The following GRID2 variants were observed in gnomAD, a reference collection of about 807,000 sequenced individuals.
GRID2 encodes glutamate ionotropic receptor delta type subunit 2, also known as glutamate receptor ionotropic, delta-2.
In GRID2, 33 loss-of-function variants were observed where a neutral mutation model predicts 114.8. The ratio of observed to expected loss-of-function variants is 0.29; its 90% CI spans 0.22 to 0.38. GRID2 has a LOEUF of 0.38. GRID2 is among the 10% of genes least tolerant of loss of function. The probability of loss-of-function intolerance (pLI) is 1.00; values close to 1 mark genes in which losing one functional copy is unlikely to be tolerated. For synonymous variants in GRID2, 505 were observed against 449.9 expected, an observed-to-expected ratio of 1.12 and a Z score of -1.55; for missense variants, 1,184 against 1,257.7, an observed-to-expected ratio of 0.94 and a Z score of 0.89.
intron 2 of GRID2, among the ~76,000 whole-genome samples, chr4:92,924,544 T>G (rs1749655260): frequency 6.6e-6 from 1 of 152,160 alleles, no homozygotes; most frequent in Admixed American, 6.6e-5. Flanking sequence ...GTTTTAAAAA[T>G]TATCTTCCAA....
At position 92,537,787 on chromosome 4, in the gene GRID2, GTGTGTGTGTGTGTGT is replaced by G. The variant is rs1725724979; in HGVS notation, c.89-52343_89-52329del. On this transcript the variant is annotated intron_variant, in intron 1 of 15. Transcript: ENST00000282020. ...GATCTGCTTTCCAAAAACTTGCGGT[GTGTGTGTGTGTGTGT>G]GTGTGTGTGTGTGTGTGTGTGTGTG... is the stretch of plus-strand genomic sequence containing the variant. Among the ~76,000 whole-genome samples, 15 of 102,546 alleles carry G rather than the reference GTGTGTGTGTGTGTGT, an allele frequency of 1.5e-4. No individual in the cohort carries two copies. In the East Asian group the frequency reaches 2.9e-3, roughly 20 times the overall value. 67.3% of individuals were successfully genotyped at this position (102,546 alleles called of 152,430 possible).
chr4:92,448,960 T>G (rs893333478), intron 1 of GRID2, among the ~76,000 whole-genome samples: 10 of 152,108 alleles, frequency 6.6e-5, no homozygotes, highest in Admixed American at 6.6e-4. Context: ...ATATTGCTCA[T>G]GTAATAGATA....
intron 11 of GRID2, among the ~76,000 whole-genome samples, chr4:93,472,906 C>T (rs1724976831): frequency 6.6e-6 from 1 of 152,014 alleles, no homozygotes; most frequent in South Asian, 2.1e-4. Flanking sequence ...ACCACCACTA[C>T]CACAACAAAA....
intron 2 of GRID2, among the ~76,000 whole-genome samples, chr4:92,658,019 G>T (rs570189620): frequency 6.6e-6 from 1 of 151,766 alleles, no homozygotes; most frequent in Non-Finnish European, 1.5e-5. Context: ...GATTGTTTAT[G>T]ATATCATTGA....
At chr4:93,583,656 G>T (rs1004749388) in intron 13 of GRID2, among the ~76,000 whole-genome samples, 1 of 152,166 alleles carries the variant, frequency 6.6e-6, no homozygotes, top group African/African-American at 2.4e-5. Flanking sequence ...TACCTAGGAA[G>T]TGGCAGGGGT....
chr4:93,111,751 C>CTTTTT (rs9307121), intron 4 of GRID2, among the ~76,000 whole-genome samples: 17,434 of 130,920 alleles, frequency 0.13, 1,388 homozygotes, highest in Middle Eastern at 0.24. Context: ...TTGTTTAATA[C>CTTTTT]TTTTTTTTTT....
At chr4:93,128,557 C>CA (rs1335148097) in intron 4 of GRID2, among the ~76,000 whole-genome samples, 2 of 152,122 alleles carry the variant, frequency 1.3e-5, no homozygotes, top group African/African-American at 4.8e-5. Context: ...CTAAGAGATC[C>CA]AATTTGTCAA....
chr4:93,696,277 ACTGT>A (rs10599118), intron 14 of GRID2, among the ~76,000 whole-genome samples: 20,562 of 152,042 alleles, frequency 0.14, 1,834 homozygotes, highest in Admixed American at 0.27. Context: ...TCTCTCTCAA[ACTGT>A]CTGCTTCCAC....
At chr4:93,106,950 C>T (rs1732294536) in intron 3 of GRID2, among the ~76,000 whole-genome samples, 1 of 152,134 alleles carries the variant, frequency 6.6e-6, no homozygotes, top group Non-Finnish European at 1.5e-5. Context: ...TTTGTATATA[C>T]ACAGCAAACA....
At chr4:93,775,125 T>C (rs528144645), downstream of GRID2, among the ~76,000 whole-genome samples, 1 of 138,186 alleles carries the variant, frequency 7.2e-6, no homozygotes, top group South Asian at 2.5e-4. Flanking sequence ...TGAAAATGTA[T>C]TTTGAAAACA....
At chr4:93,038,620 C>G (rs1442348779) in intron 2 of GRID2, among the ~76,000 whole-genome samples, 1 of 152,012 alleles carries the variant, frequency 6.6e-6, no homozygotes, top group Non-Finnish European at 1.5e-5. Context: ...GAAACCCTGT[C>G]TCTACTAAAA....
chr4:93,419,455 T>A (rs1469761328), intron 9 of GRID2, among the ~76,000 whole-genome samples: 2 of 152,042 alleles, frequency 1.3e-5, no homozygotes, highest in Non-Finnish European at 2.9e-5. Context: ...TTTCTTTTGC[T>A]ATGTTTACCT....
intron 3 of GRID2, among the ~76,000 whole-genome samples, chr4:93,086,627 G>A (rs184815441): frequency 5.7e-4 from 87 of 152,224 alleles, no homozygotes; most frequent in Non-Finnish European, 6.8e-4. Context: ...TCTCCAAGAC[G>A]GAAATCCTTA....
chr4:93,734,716 C>A (rs1730778229), intron 14 of GRID2, among the ~76,000 whole-genome samples: 1 of 151,792 alleles, frequency 6.6e-6, no homozygotes, highest in South Asian at 2.1e-4. Context: ...GGTAGGAAAA[C>A]AACAGCAACA....
chr4:92,718,781 A>T (rs1317082448), intron 2 of GRID2, among the ~76,000 whole-genome samples: 6 of 151,526 alleles, frequency 4.0e-5, no homozygotes, highest in Non-Finnish European at 8.8e-5. Flanking sequence ...AAAAAAAAAA[A>T]AAGCCAGAAT....
At chr4:93,109,968 A>G (rs1242008913) in intron 3 of GRID2, among the ~76,000 whole-genome samples, 1 of 152,138 alleles carries the variant, frequency 6.6e-6, no homozygotes, top group Admixed American at 6.6e-5. Context: ...TGGACATTTT[A>G]ATTTGATAAA....
intron 13 of GRID2, among the ~76,000 whole-genome samples, chr4:93,624,774 A>G (rs1202374455): frequency 6.6e-6 from 1 of 152,156 alleles, no homozygotes; most frequent in Non-Finnish European, 1.5e-5. Flanking sequence ...TATATGTGAA[A>G]AAGTTGAAAA....
chr4:92,836,915 A>G (rs1742500310), intron 2 of GRID2, among the ~76,000 whole-genome samples: 1 of 152,150 alleles, frequency 6.6e-6, no homozygotes, highest in Non-Finnish European at 1.5e-5. Context: ...CTGCTTCAAA[A>G]GAAAATCGAA....
intron 14 of GRID2, among the ~76,000 whole-genome samples, chr4:93,664,373 A>G (rs1414289603): frequency 1.3e-5 from 2 of 152,246 alleles, no homozygotes; most frequent in Non-Finnish European, 2.9e-5. Context: ...AAAGGATCAC[A>G]GCAGATGCTC....
Sources: allele counts gnomAD v4.1 joint callset (sites outside exome capture counted in the v4.1 genomes callset), GRCh38; gene constraint gnomAD v4.1.1; transcripts MANE v1.5; gene names NCBI Gene and HGNC (gene_info 2026-07-23, HGNC 2026-07-21).